ANKRD42: variants seen among roughly 807,000 people sequenced by gnomAD.
ANKRD42 encodes ankyrin repeat domain 42.
In ANKRD42, 43 loss-of-function variants were observed where a neutral mutation model predicts 51.5. That is an observed-to-expected ratio of 0.83 (90% confidence interval 0.65 to 1.08). The LOEUF (loss-of-function observed/expected upper bound fraction) is 1.08, where lower values mean the gene tolerates loss of function less well. Ranked by LOEUF, ANKRD42 falls within the 50% of genes least tolerant of loss-of-function variation. The pLI is 0.00. For synonymous variants in ANKRD42, 203 were observed against 213.0 expected, an observed-to-expected ratio of 0.95 and a Z score of 0.41; for missense variants, 608 against 629.3, an observed-to-expected ratio of 0.97 and a Z score of 0.36.
chr11:83,212,549 T>C (rs972429080), intron 5 of ANKRD42: 10 of 976,552 alleles, frequency 1.0e-5, no homozygotes, highest in African/African-American at 1.6e-5. Context: ...CACAGTGAGA[T>C]TGGAGTGAAA....
Position 83,210,330 on chromosome 11 carries a change from GC to G in ANKRD42, c.364del (p.Gln122ArgfsTer23). 6.2e-7 allele frequency: 1 copy of G among 1,613,796 alleles called. No homozygotes were observed. The highest frequency in any genetic ancestry group is 8.5e-7 in the Non-Finnish European group (1 of 1,179,752). On this transcript the variant is annotated frameshift_variant, in exon 4 of 11. Coordinates refer to ENST00000533342, the MANE Select transcript of ANKRD42 (RefSeq NM_001300975.2). LOFTEE classifies it high-confidence loss of function. ...ALIMNGANLTAQDDRGCTPLH... is the reference protein window; with the variant it reads ...ALIMNGANLTXQDDRGCTPLH... ...TATAATGAATGGAGCAAATCTGACA[GC>G]CCAGGATGACCGGGGATGCACTCCT...
At chr11:83,202,257 C>T (rs1021541887) in intron 2 of ANKRD42, among the ~76,000 whole-genome samples, 5 of 152,180 alleles carry the variant, frequency 3.3e-5, no homozygotes, top group Middle Eastern at 3.4e-3. Flanking sequence ...GAAATCCTTC[C>T]CCTGTTGCAA....
At chr11:83,213,209 A>G (rs1408808681) in intron 5 of ANKRD42, 17 of 1,599,826 alleles carry the variant, frequency 1.1e-5, no homozygotes, top group Non-Finnish European at 1.4e-5. Flanking sequence ...AACAAAGCAC[A>G]TGCTGCCTAC....
intron 11 of ANKRD42, chr11:83,255,754 A>ATTTTTTTTTTTT: frequency 1.1e-6 from 1 of 924,362 alleles, no homozygotes; most frequent in Non-Finnish European, 1.6e-6. Context: ...AGCATGGTTA[A>ATTTTTTTTTTTT]TTTTTTTTTC....
In ANKRD42 at chr11:83,212,798, G is replaced by A. The variant is rs561890097; in HGVS notation, c.586+1368G>A. The A allele has an allele frequency of 3.6e-5, 53 of 1,487,474 alleles. No homozygotes were observed. In the East Asian group the frequency reaches 3.9e-4, roughly 11 times the overall value. 92.1% of individuals were successfully genotyped at this position (1,487,474 alleles called of 1,614,324 possible). On this transcript the variant is annotated intron_variant, in intron 5 of 10. Transcript: ENST00000533342. ...ATCATTTTGTTTTTTTCTGAAGGTC[G>A]TCTTTCAGTGTTCATTTAGTGAAGT...
downstream of ANKRD42, chr11:83,257,313 G>A (rs567127975): frequency 1.1e-5 from 5 of 455,850 alleles, no homozygotes; most frequent in African/African-American, 2.0e-5. Context: ...GATCTTCAGG[G>A]GGAGACAGGA....
chr11:83,227,119 G>A (rs1862910203), intron 6 of ANKRD42, among the ~76,000 whole-genome samples: 2 of 152,060 alleles, frequency 1.3e-5, no homozygotes, highest in African/African-American at 4.8e-5. Context: ...CTGTGCAACT[G>A]CAGGCCGTGA....
chr11:83,237,956 G>C (rs1863271759), intron 8 of ANKRD42, among the ~76,000 whole-genome samples: 1 of 152,140 alleles, frequency 6.6e-6, no homozygotes. Context: ...GCATTTTCTA[G>C]AGTTTTATAT....
intron 2 of ANKRD42, among the ~76,000 whole-genome samples, chr11:83,200,502 T>G: frequency 6.6e-6 from 1 of 152,236 alleles, no homozygotes; most frequent in East Asian, 1.9e-4. Flanking sequence ...CAATAGCCTT[T>G]GAATCATCAT....
downstream of ANKRD42, among the ~76,000 whole-genome samples, chr11:83,262,772 GT>G (rs1864001312): frequency 1.3e-5 from 2 of 152,128 alleles, no homozygotes; most frequent in South Asian, 4.1e-4. Flanking sequence ...CTGAAACTTG[GT>G]TAATGATAAG....
At chr11:83,197,981 C>A (rs542609931) in intron 1 of ANKRD42, among the ~76,000 whole-genome samples, 1 of 152,272 alleles carries the variant, frequency 6.6e-6, no homozygotes, top group South Asian at 2.1e-4. Context: ...GAGTTCCTGG[C>A]TTTTCACAAT....
At chr11:83,212,136 T>G (rs971909036) in intron 5 of ANKRD42, among the ~76,000 whole-genome samples, 2 of 152,036 alleles carry the variant, frequency 1.3e-5, no homozygotes, top group Non-Finnish European at 2.9e-5. Flanking sequence ...CAGGCTGGAG[T>G]GCAGTGGTGT....
In ANKRD42 at chr11:83,194,635, G is replaced by C. The variant is rs1276602429; in HGVS notation, c.-36G>C. On this transcript the variant is annotated 5_prime_UTR_variant, in exon 1 of 11. Transcript: ENST00000533342. The stretch of plus-strand genomic sequence containing the variant: ...AGACCGCCGCAGCATCAGGGGCCTG[G>C]ACTCAACTCCTCCCCAGAGTCGGAG... 1 of 1,611,150 alleles carries C rather than the reference G, an allele frequency of 6.2e-7. No homozygotes were observed. The highest frequency in any genetic ancestry group is 8.5e-7 in the Non-Finnish European group (1 of 1,178,216).
At chr11:83,233,856 T>C (rs892750211) in intron 7 of ANKRD42, among the ~76,000 whole-genome samples, 1 of 152,196 alleles carries the variant, frequency 6.6e-6, no homozygotes, top group Non-Finnish European at 1.5e-5. Flanking sequence ...CTGATTTTTG[T>C]ATTTTTAGTA....
chr11:83,219,190 C>T (rs780361175), intron 5 of ANKRD42, among the ~76,000 whole-genome samples: 1 of 152,194 alleles, frequency 6.6e-6, no homozygotes, highest in African/African-American at 2.4e-5. Context: ...CAGTTGTATT[C>T]AAAGCTCATG....
intron 8 of ANKRD42, 31 bp from the exon 9 acceptor site, chr11:83,240,728 G>C (rs1565195271): frequency 6.2e-7 from 1 of 1,611,024 alleles, no homozygotes; most frequent in African/African-American, 1.3e-5. Context: ...GAAGATTGTG[G>C]ATCTGGTTAG....
chr11:83,238,862 C>T (rs933200990), intron 8 of ANKRD42, among the ~76,000 whole-genome samples: 5 of 151,798 alleles, frequency 3.3e-5, no homozygotes, highest in Non-Finnish European at 7.4e-5. Context: ...AAAAATTAGC[C>T]TGGTGTGGTG....
Position 83,194,418 on chromosome 11 carries a change from C to G in ANKRD42, c.-253C>G. On this transcript the variant is annotated 5_prime_UTR_variant, in exon 1 of 11. Coordinates refer to ENST00000533342, the MANE Select transcript of ANKRD42 (RefSeq NM_001300975.2). ...GTGGAGACCGCGGCTACGCAGCCAG[C>G]GACTCCTCTGGTGTGAGCGGCAGTG... 1.5e-6 allele frequency: 1 copy of G among 682,786 alleles called. No homozygotes were observed. The highest frequency in any genetic ancestry group is 2.7e-6 in the Non-Finnish European group (1 of 372,528). The allele number at this position is 682,786 out of a possible 1,614,324, so 42.3% of individuals were successfully genotyped here. A position where few individuals can be genotyped will look rare whatever the true frequency, so the allele number is the denominator to read the frequency against.
At chr11:83,195,819 A>G (rs1565172362) in intron 1 of ANKRD42, among the ~76,000 whole-genome samples, 3 of 149,188 alleles carry the variant, frequency 2.0e-5, no homozygotes, top group South Asian at 2.1e-4. Context: ...GTATTCTTAC[A>G]TGATCTACCT....
Sources: gnomAD v4.1 joint callset for allele counts (sites outside exome capture counted in the v4.1 genomes callset) on GRCh38, gnomAD v4.1.1 for gene constraint, MANE v1.5 for transcripts, NCBI Gene and HGNC (gene_info 2026-07-23, HGNC 2026-07-21) for gene names.